The following F5 variants were observed in gnomAD, a reference collection of about 807,000 sequenced individuals.
The protein encoded by F5 is coagulation factor V, also known as activated protein c cofactor.
In F5, 138 loss-of-function variants were observed where a neutral mutation model predicts 216.4. The observed-to-expected ratio is 0.64, with a 90% CI of 0.56 to 0.73. F5 has a LOEUF of 0.73. Ranked by LOEUF, F5 falls within the 30% of genes least tolerant of loss-of-function variation. F5 has a pLI of 0.00. For missense variants in F5, 2,403 were observed against 2,674.0 expected (o/e 0.90, Z 2.24); for synonymous variants, 916 against 930.7 (o/e 0.98, Z 0.29).
rs537081933 is a variant in F5, at chr1:169,586,276, A to T, written c.111T>A (p.Ala37=). 48 of 1,614,196 alleles carry T rather than the reference A, an allele frequency of 3.0e-5. No homozygotes were observed. The South Asian group carries it at 4.4e-4, about 15-fold the overall frequency. Residue 37 remains alanine, a synonymous_variant, in exon 1 of 25, where the codon GCT becomes GCA. Coordinates refer to ENST00000367797, the MANE Select transcript of F5 (RefSeq NM_000130.5). ...EAAQLRQFYV[A]AQGISWSYRP... ...GGTAGCTCCAACTGATGCCCTGAGC[A>T]GCCACGTAGAACTGCCTTAGCTGTG... is the stretch of plus-strand genomic sequence containing the variant.
chr1:169,538,327 A>T (rs950885743), intron 13 of F5, among the ~76,000 whole-genome samples: 3 of 152,166 alleles, frequency 2.0e-5, no homozygotes, highest in African/African-American at 7.2e-5. Context: ...TAACAAAGGG[A>T]TACAGAGGTG....
intron 20 of F5, among the ~76,000 whole-genome samples, 195 bp from the exon 21 acceptor site, chr1:169,523,547 T>C (rs907104414): frequency 9.8e-5 from 15 of 152,314 alleles, no homozygotes; most frequent in African/African-American, 3.6e-4. Context: ...CAATGACTAA[T>C]TAGCTGTGTG....
chr1:169,524,782 G>T (rs1277464108), intron 19 of F5, 55 bp downstream of exon 19: 16 of 1,374,856 alleles, frequency 1.2e-5, no homozygotes, highest in African/African-American at 1.4e-5. Context: ...TTCATAGGCT[G>T]CATGCTGCAC....
Position 169,516,420 on chromosome 1 carries a change from T to A in F5, c.6346-794A>T, listed in dbSNP as rs12028424. Among the ~76,000 whole-genome samples the A allele has an allele frequency of 9.8e-5, 15 of 152,318 alleles. No homozygotes were observed. In the East Asian group the frequency reaches 2.9e-3, roughly 29 times the overall value. The stretch of plus-strand genomic sequence containing the variant: ...TAACCTCATTCAATTCTAAAGGAAA[T>A]AATATTGATATGTTTCTTCAACATC... On this transcript the variant is annotated intron_variant, in intron 23 of 24. Transcript: ENST00000367797.
intron 2 of F5, among the ~76,000 whole-genome samples, chr1:169,582,070 TA>T (rs1660999227): frequency 6.6e-6 from 1 of 152,244 alleles, no homozygotes; most frequent in African/African-American, 2.4e-5. Flanking sequence ...AACAGTTTTT[TA>T]GATGAATGAA....
Position 169,513,517 on chromosome 1 carries a change from T to TA in F5, c.*795_*796insT, listed in dbSNP as rs1243099747. On this transcript the variant is annotated 3_prime_UTR_variant, in exon 25 of 25. Coordinates refer to ENST00000367797, the MANE Select transcript of F5 (RefSeq NM_000130.5). ...TTGCCAGTTTGGCCAGAGGTCTCTTTGAGCAGGAACAACTGCATTTAGACC... is the reference window on the plus strand; with the variant it reads ...TTGCCAGTTTGGCCAGAGGTCTCTTTAGAGCAGGAACAACTGCATTTAGACC... 4.6e-5 allele frequency among the ~76,000 whole-genome samples: 7 copies of TA among 152,262 alleles called. No individual in the cohort carries two copies. In the East Asian group the frequency reaches 9.6e-4, roughly 21 times the overall value.
At chr1:169,522,419 T>C (rs1659330481) in intron 21 of F5, among the ~76,000 whole-genome samples, 1 of 152,126 alleles carries the variant, frequency 6.6e-6, no homozygotes, top group Non-Finnish European at 1.5e-5. Context: ...GACGACAAAA[T>C]CTTTATGCTA....
chr1:169,582,013 C>G (rs1260361184), intron 2 of F5, among the ~76,000 whole-genome samples: 1 of 152,190 alleles, frequency 6.6e-6, no homozygotes. Context: ...TCCACTATTG[C>G]ATCCACAATG....
intron 6 of F5, among the ~76,000 whole-genome samples, chr1:169,556,134 G>A (rs1660318857): frequency 6.6e-6 from 1 of 152,072 alleles, no homozygotes; most frequent in Non-Finnish European, 1.5e-5. Context: ...GTTCTTTGGA[G>A]CTCACCCCTC....
At chr1:169,531,221 A>G (rs1293701406) in intron 14 of F5, among the ~76,000 whole-genome samples, 199 bp from the exon 15 acceptor site, 2 of 152,122 alleles carry the variant, frequency 1.3e-5, no homozygotes, top group Non-Finnish European at 2.9e-5. Context: ...CTCCAGAAAT[A>G]CCAAAAGATA....
Position 169,523,377 on chromosome 1 carries a change from C to T in F5, c.5893-25G>A, listed in dbSNP as rs9332644. On this transcript the variant is annotated intron_variant, in intron 20 of 24. Coordinates refer to ENST00000367797, the MANE Select transcript of F5 (RefSeq NM_000130.5). Reference sequence around the variant, plus strand: ...CCTGCAATATAGGAAAGCCAGTAAACAGAACTGTCCTTGTCAACAAGTCAC... The same window carrying T: ...CCTGCAATATAGGAAAGCCAGTAAATAGAACTGTCCTTGTCAACAAGTCAC... The T allele has an allele frequency of 1.6e-3, 2,553 of 1,613,636 alleles. 45 individuals are homozygous for T. The African/African-American group carries it at 0.03, about 19-fold the overall frequency.
intron 9 of F5, 118 bp from the exon 10 acceptor site, chr1:169,550,133 A>T (rs12143071): frequency 2.4e-6 from 2 of 836,290 alleles, no homozygotes; most frequent in South Asian, 1.6e-5. Flanking sequence ...TTTTATTTTT[A>T]TTTTTTTTAA....
In F5 at chr1:169,562,343, A is replaced by AT. The variant is rs137988418; in HGVS notation, c.374-1578dup. ...TATGGTATATAATTTTCTATCCTTTATTTTTTACCTATCTTTGTCTCTCTC... is the reference window on the plus strand; with the variant it reads ...TATGGTATATAATTTTCTATCCTTTATTTTTTTACCTATCTTTGTCTCTCTC... On this transcript the variant is annotated intron_variant, in intron 3 of 24. Transcript: ENST00000367797. Among the ~76,000 whole-genome samples, 1,207 of 151,954 alleles carry AT rather than the reference A, an allele frequency of 7.9e-3. 15 individuals are homozygous for AT. Among genetic ancestry groups the AT allele is most frequent in the African/African-American group, 0.028 (1,154 of 41,470 alleles).
In F5 at chr1:169,542,404, G is replaced by C. The variant is rs1433439223; in HGVS notation, c.2686C>G (p.Gln896Glu). 3 of 1,613,978 alleles carry C rather than the reference G, an allele frequency of 1.9e-6. No individual in the cohort carries two copies. Among genetic ancestry groups the C allele is most frequent in the Admixed American group, 1.7e-5 (1 of 59,996 alleles). ...ATTCCGGAAGGAGAACCAGTGTCTTGGCTTAGGTGTCTCCCAACTTTATGT... is the reference window on the plus strand; with the variant it reads ...ATTCCGGAAGGAGAACCAGTGTCTTCGCTTAGGTGTCTCCCAACTTTATGT... ...LAHKVGRHLS[Q>E]DTGSPSGMRP... is the part of the protein sequence containing the mutation. The change falls in exon 13 of 25, where the codon CAA (glutamine) becomes GAA (glutamate). Residue 896 changes from glutamine to glutamate, a missense_variant. Around this residue, in one of 4 missense-constraint regions of F5, gnomAD observed 1,425 missense variants for 1,554.8 expected, o/e 0.92. Coordinates refer to ENST00000367797, the MANE Select transcript of F5 (RefSeq NM_000130.5).
intron 7 of F5, among the ~76,000 whole-genome samples, 184 bp downstream of exon 7, chr1:169,554,998 A>ATTC (rs1309008044): frequency 2.0e-5 from 3 of 152,182 alleles, no homozygotes; most frequent in African/African-American, 7.2e-5. Context: ...TTTTATTATT[A>ATTC]TTAGGCTGAA....
Position 169,514,438 on chromosome 1 carries a change from T to A in F5, c.6550A>T (p.Thr2184Ser), listed in dbSNP as rs1247244036. 5 of 1,613,042 alleles carry A rather than the reference T, an allele frequency of 3.1e-6. No homozygotes were observed. The highest frequency in any genetic ancestry group is 1.7e-5 in the Admixed American group (1 of 59,842). Residue 2184 changes from threonine (T) to serine (S), a missense_variant, in exon 25 of 25, where the codon ACC becomes TCC. Thr to Ser is a moderately conservative substitution (Grantham distance 58). Transcript: ENST00000367797. ...AAAAAGTTCTTCACATGTCCTTTGG[T>A]ATTAGTATTTCCTTCAAAAATCTGA... ...VDKIFEGNTNTKGHVKNFFNP... is the reference protein window; with the variant it reads ...VDKIFEGNTNSKGHVKNFFNP...
At chr1:169,573,502 G>A (rs1361389617) in intron 2 of F5, among the ~76,000 whole-genome samples, 4 of 152,142 alleles carry the variant, frequency 2.6e-5, no homozygotes, top group African/African-American at 9.7e-5. Flanking sequence ...TGTAGGTAAG[G>A]CAAACAAGAC....
intron 22 of F5, 22 bp from the exon 23 acceptor site, chr1:169,518,585 G>A (rs1229136768): frequency 1.2e-6 from 2 of 1,612,986 alleles, no homozygotes; most frequent in African/African-American, 1.3e-5. Context: ...AAAGTAACGT[G>A]ATTAATTACA....
chr1:169,561,427 A>G (rs1660484186), intron 3 of F5, among the ~76,000 whole-genome samples: 2 of 152,100 alleles, frequency 1.3e-5, no homozygotes, highest in Non-Finnish European at 2.9e-5. Context: ...CTCCATGTAT[A>G]TTGGACTTTC....
Sources: allele counts gnomAD v4.1 joint callset (sites outside exome capture counted in the v4.1 genomes callset), GRCh38; gene constraint gnomAD v4.1.1; regional missense constraint gnomAD v4.1.1; transcripts MANE v1.5; gene names NCBI Gene and HGNC (gene_info 2026-07-23, HGNC 2026-07-21).